The following KPNA2 variants were observed in gnomAD, a reference collection of about 807,000 sequenced individuals.
The protein encoded by KPNA2 is karyopherin subunit alpha 2.
Under a neutral mutation model 53.7 loss-of-function variants are expected in KPNA2, and 20 were observed. The ratio of observed to expected loss-of-function variants is 0.37; its 90% CI spans 0.26 to 0.54. The LOEUF (loss-of-function observed/expected upper bound fraction) is 0.54. KPNA2 is among the 20% of genes least tolerant of loss of function. The pLI, the probability that KPNA2 is intolerant of heterozygous loss-of-function variation, is 0.83. For synonymous variants in KPNA2, 238 were observed against 227.5 expected, an observed-to-expected ratio of 1.05 and a Z score of -0.42; for missense variants, 515 against 640.3, an observed-to-expected ratio of 0.80 and a Z score of 2.11.
Position 68,043,374 on chromosome 17 carries a change from TACTTGTAGATTAGG to T in KPNA2, c.930+14_930+27del. The stretch of plus-strand genomic sequence containing the variant: ...GAATTGCCAATTGTGGTAAGTTATT[TACTTGTAGATTAGG>T]ACATAAGTATAAGAAGCATGATCAG... On this transcript the variant is annotated intron_variant, in intron 7 of 10. Coordinates refer to ENST00000330459, the MANE Select transcript of KPNA2 (RefSeq NM_002266.4). 1 of 1,613,322 alleles carries T rather than the reference TACTTGTAGATTAGG, an allele frequency of 6.2e-7. No individual in the cohort carries two copies. The highest frequency in any genetic ancestry group is 8.5e-7 in the Non-Finnish European group (1 of 1,179,544).
chr17:68,040,467 G>A (rs2071246523), intron 3 of KPNA2, among the ~76,000 whole-genome samples: 1 of 151,992 alleles, frequency 6.6e-6, no homozygotes, highest in African/African-American at 2.4e-5. Context: ...TCCATAACTT[G>A]AGACTCCAGT....
chr17:68,042,952 G>T lies in KPNA2; in HGVS notation c.619G>T (p.Asp207Tyr), dbSNP rs1555704811. 6.2e-7 allele frequency: 1 copy of T among 1,612,936 alleles called. No individual in the cohort carries two copies. The highest frequency in any genetic ancestry group is 2.2e-5 in the East Asian group (1 of 44,860). ...CTTGGTTATTAAGTACGGTGCAGTT[G>T]ACCCACTGTTGGCTCTCCTTGCAGT... is the stretch of plus-strand genomic sequence containing the variant. ...RDLVIKYGAVDPLLALLAVPD... is the reference protein window; with the variant it reads ...RDLVIKYGAVYPLLALLAVPD... The change falls in exon 6 of 11, where the codon GAC (aspartate) becomes TAC (tyrosine). Residue 207 changes from aspartate (D) to tyrosine (Y), a missense_variant. Asp to Tyr is a radical substitution (Grantham distance 160). Coordinates refer to ENST00000330459, the MANE Select transcript of KPNA2 (RefSeq NM_002266.4).
chr17:68,042,794 G>A (rs1384384733), intron 5 of KPNA2, 111 bp from the exon 6 acceptor site: 6 of 791,470 alleles, frequency 7.6e-6, no homozygotes, highest in African/African-American at 1.7e-5. Context: ...AACCCAGGAG[G>A]CGGAGCTTGC....
intron 10 of KPNA2, 144 bp from the exon 11 acceptor site, chr17:68,046,360 C>T (rs546372414): frequency 5.5e-6 from 3 of 540,764 alleles, no homozygotes; most frequent in Admixed American, 3.5e-5. Context: ...GACCCTCCCT[C>T]CTCTATGTCA....
chr17:68,042,183 G>C lies in KPNA2; in HGVS notation c.401G>C (p.Ser134Thr). 1 of 1,613,876 alleles carries C rather than the reference G, an allele frequency of 6.2e-7. No individual in the cohort carries two copies. Among genetic ancestry groups the C allele is most frequent in the Non-Finnish European group, 8.5e-7 (1 of 1,179,796 alleles). ...TCCTTCTTGGGCAGAACTGATTGTA[G>C]TCCCATTCAGTTTGAATCTGCTTGG... ...FVSFLGRTDCSPIQFESAWAL... is the reference protein window; with the variant it reads ...FVSFLGRTDCTPIQFESAWAL... The change falls in exon 5 of 11, where the codon AGT becomes ACT. Residue 134 changes from serine (S) to threonine (T), a missense_variant. Physicochemically the swap from Ser to Thr is moderately conservative, Grantham distance 58. Transcript: ENST00000330459.
chr17:68,045,616 A>G (rs574996441), intron 9 of KPNA2, 156 bp from the exon 10 acceptor site: 1 of 577,166 alleles, frequency 1.7e-6, no homozygotes, highest in East Asian at 2.7e-5. Context: ...AGTGTCAACA[A>G]AATATAAAAT....
intron 3 of KPNA2, among the ~76,000 whole-genome samples, chr17:68,040,260 ATTTTTTTTT>A (rs782418464): frequency 1.5e-4 from 18 of 117,966 alleles, no homozygotes; most frequent in Non-Finnish European, 3.0e-4. Flanking sequence ...ATGCCTGGAT[ATTTTTTTTT>A]TTTTTTTTTT....
intron 1 of KPNA2, chr17:68,036,270 T>C (rs1168316150): frequency 6.6e-6 from 1 of 152,246 alleles, no homozygotes; most frequent in Non-Finnish European, 1.5e-5. Context: ...GCGAGCGTAA[T>C]GAAAGCAAAG....
Position 68,042,285 on chromosome 17 carries a change from T to C in KPNA2, c.503T>C (p.Ile168Thr), listed in dbSNP as rs782250919. ...GATGGAGGTGCCATCCCAGCATTCA[T>C]TTCTCTGTTGGCATCTCCCCATGCT... is the stretch of plus-strand genomic sequence containing the variant. ...VVDGGAIPAF[I>T]SLLASPHAHI... The change falls in exon 5 of 11, where the codon ATT (isoleucine) becomes ACT (threonine). Residue 168 changes from isoleucine (I) to threonine (T), a missense_variant. By Grantham distance (89) the Ile-to-Thr change is moderately conservative. Transcript: ENST00000330459. 4 of 1,613,908 alleles carry C rather than the reference T, an allele frequency of 2.5e-6. No individual in the cohort carries two copies.
At position 68,046,409 on chromosome 17, in the gene KPNA2, C is replaced by T. The variant is rs782419859; in HGVS notation, c.1498-95C>T. On this transcript the variant is annotated intron_variant, in intron 10 of 10. Coordinates refer to ENST00000330459, the MANE Select transcript of KPNA2 (RefSeq NM_002266.4). ...CATACAGGATTAAAGGTGTAATATG[C>T]AGATCAAGACCTAGAGATTAAATAC... 2.3e-4 allele frequency: 165 copies of T among 705,448 alleles called. 1 individual carries two copies. The highest frequency in any genetic ancestry group is 1.1e-3 in the Middle Eastern group (3 of 2,846). The allele number at this position is 705,448 out of a possible 1,614,324, so 43.7% of individuals were successfully genotyped here. A position where few individuals can be genotyped will look rare whatever the true frequency, so the allele number is the denominator to read the frequency against.
At chr17:68,040,651 A>G (rs1471761052) in intron 3 of KPNA2, 27 bp from the exon 4 acceptor site, 3 of 1,434,088 alleles carry the variant, frequency 2.1e-6, no homozygotes, top group African/African-American at 2.8e-5. Context: ...CTTAATGATA[A>G]TGTGCAAACT....
chr17:68,037,207 A>G lies in KPNA2; in HGVS notation c.75A>G (p.Thr25=). 6.2e-7 allele frequency: 1 copy of G among 1,610,214 alleles called. No individual in the cohort carries two copies. The highest frequency in any genetic ancestry group is 8.5e-7 in the Non-Finnish European group (1 of 1,177,736). The change falls in exon 2 of 11, where the codon ACA becomes ACG. Residue 25 remains threonine, a splice_region_variant and synonymous_variant. Coordinates refer to ENST00000330459, the MANE Select transcript of KPNA2 (RefSeq NM_002266.4). ...HRFKNKGKDS[T]EMRRRRIEVN... is the part of the protein sequence containing the mutation. ...TCAAGAACAAGGGAAAAGACAGTAC[A>G]GTGAGTACCTTCTGTTGCTTTCCTG...
intron 7 of KPNA2, 44 bp from the exon 8 acceptor site, chr17:68,043,794 C>T: frequency 1.6e-6 from 2 of 1,259,986 alleles, no homozygotes; most frequent in South Asian, 1.2e-5. Context: ...TTCTAAAGTG[C>T]TGGGGAAAAA....
chr17:68,039,791 A>AT (rs2071233078), intron 3 of KPNA2, among the ~76,000 whole-genome samples: 1 of 144,052 alleles, frequency 6.9e-6, no homozygotes, highest in Admixed American at 7.1e-5. Flanking sequence ...CAAAAAAAAA[A>AT]GTCGGGCATG....
In KPNA2 at chr17:68,037,232, G is replaced by C. The variant is rs1172265306; in HGVS notation, c.75+25G>C. ...AGTGAGTACCTTCTGTTGCTTTCCT[G>C]TGGTGGTATTTAAATGGGAAGACAT... On this transcript the variant is annotated intron_variant, in intron 2 of 10. Coordinates refer to ENST00000330459, the MANE Select transcript of KPNA2 (RefSeq NM_002266.4). The C allele has an allele frequency of 3.8e-6, 6 of 1,596,812 alleles. No homozygotes were observed. In the African/African-American group the frequency reaches 8.1e-5, roughly 22 times the overall value.
At position 68,045,090 on chromosome 17, in the gene KPNA2, TAAA is replaced by T. The variant is rs554471695; in HGVS notation, c.1347+604_1347+606del. ...AGCTTGGGCAAGAGTGAAACTGTCTTAAAAAAAAAAAAAAAAAAAGTTGAGCCT... is the reference window on the plus strand; with the variant it reads ...AGCTTGGGCAAGAGTGAAACTGTCTTAAAAAAAAAAAAAAAAGTTGAGCCT... On this transcript the variant is annotated intron_variant, in intron 9 of 10. Transcript: ENST00000330459. 6.9e-3 allele frequency among the ~76,000 whole-genome samples: 900 copies of T among 130,380 alleles called. 13 individuals are homozygous for T. Among genetic ancestry groups the T allele is most frequent in the African/African-American group, 0.024 (845 of 35,034 alleles). The allele number at this position is 130,380 out of a possible 152,430, so 85.5% of individuals were successfully genotyped here. A position where few individuals can be genotyped will look rare whatever the true frequency, so the allele number is the denominator to read the frequency against.
At chr17:68,042,821 G>A (rs937880637) in intron 5 of KPNA2, 84 bp from the exon 6 acceptor site, 22 of 1,021,322 alleles carry the variant, frequency 2.2e-5, no homozygotes, top group South Asian at 4.2e-5. Flanking sequence ...CCGAGATCGC[G>A]CCACTGCACT....
chr17:68,038,626 G>GTTCAAATTGCTTGA (rs1555704097), intron 3 of KPNA2, among the ~76,000 whole-genome samples: 2 of 152,130 alleles, frequency 1.3e-5, no homozygotes, highest in Non-Finnish European at 2.9e-5. Flanking sequence ...TTGAACCTGG[G>GTTCAAATTGCTTGA]AGGTGGAGGT....
intron 1 of KPNA2, 70 bp downstream of exon 1, chr17:68,035,910 T>C (rs1555703636): frequency 6.6e-6 from 1 of 151,738 alleles, no homozygotes; most frequent in East Asian, 1.9e-4. Flanking sequence ...GCCTTTTGGG[T>C]TGGGGGAGGG....
Sources: allele counts gnomAD v4.1 joint callset (sites outside exome capture counted in the v4.1 genomes callset), GRCh38; gene constraint gnomAD v4.1.1; transcripts MANE v1.5; gene names NCBI Gene and HGNC (gene_info 2026-07-23, HGNC 2026-07-21).